Variants in ABCA2 observed in about 807,000 individuals in gnomAD.
The protein encoded by ABCA2 is ATP binding cassette subfamily A member 2.
Under a neutral mutation model 262.8 loss-of-function variants are expected in ABCA2, and 84 were observed. The ratio of observed to expected loss-of-function variants is 0.32; its 90% CI spans 0.27 to 0.38. ABCA2 has a LOEUF of 0.38. Among genes scored for constraint, ABCA2 ranks in the 10% least tolerant of loss-of-function variants. The pLI, the probability that ABCA2 is intolerant of heterozygous loss-of-function variation, is 1.00. For missense variants in ABCA2, 2,662 were observed against 3,405.9 expected (o/e 0.78, Z 5.44); for synonymous variants, 1,696 against 1,502.9 (o/e 1.13, Z -2.97).
At chr9:137,028,728 G>T (rs920059599), upstream of ABCA2, 1 of 1,265,410 alleles carries the variant, frequency 7.9e-7, no homozygotes, top group African/African-American at 1.6e-5. The surrounding 1 kb of genome is among the most constrained non-coding windows in gnomAD (Gnocchi z 6.9). Context: ...TGGAAGGGAG[G>T]CAGGGCGGCC....
chr9:137,015,309 C>T (rs970355351), intron 24 of ABCA2, 105 bp downstream of exon 24: 2 of 1,373,206 alleles, frequency 1.5e-6, no homozygotes, highest in Admixed American at 2.4e-5. Context: ...GCATCCTGGG[C>T]CCAGCGGGTG....
At chr9:137,022,253 C>CGTG in intron 6 of ABCA2, 98 bp downstream of exon 6, 1 of 1,448,038 alleles carries the variant, frequency 6.9e-7, no homozygotes, top group Middle Eastern at 2.5e-4. Context: ...ACGGTCTGGG[C>CGTG]GTGACTCAGG....
Position 137,013,470 on chromosome 9 carries a change from C to G in ABCA2, c.4541G>C (p.Arg1514Pro), listed in dbSNP as rs371050470. The change falls in exon 29 of 49, where the codon CGC becomes CCC. Residue 1514 changes from arginine (R) to proline (P), a missense_variant. Arg to Pro is a moderately radical substitution (Grantham distance 103, BLOSUM62 -2). This residue lies in a region of ABCA2 where 192 missense variants were observed against 207.2 expected (regional missense o/e 0.93). Coordinates refer to ENST00000341511, the MANE Select transcript of ABCA2 (RefSeq NM_001606.5). ...CCGCTGGAGGCCTCACCGGTACTCG[C>G]GGCGCTCCTCGTTGGCGTAGGGGAT... ...NFIPYANEERREYRLRLSPDA... is the reference protein window; with the variant it reads ...NFIPYANEERPEYRLRLSPDA... 9 of 1,605,794 alleles carry G rather than the reference C, an allele frequency of 5.6e-6. No homozygotes were observed. The highest frequency in any genetic ancestry group is 7.6e-6 in the Non-Finnish European group (9 of 1,177,904).
chr9:137,012,661 A>G (rs760844952), intron 31 of ABCA2, 51 bp downstream of exon 31: 3 of 1,610,006 alleles, frequency 1.9e-6, no homozygotes, highest in South Asian at 2.2e-5. Context: ...AGTTGAGACT[A>G]GGTGGCTGGT....
Position 137,018,305 on chromosome 9 carries a change from C to G in ABCA2, c.1866G>C (p.Val622=). The G allele has an allele frequency of 6.2e-7, 1 of 1,606,660 alleles. No homozygotes were observed. The highest frequency in any genetic ancestry group is 2.2e-5 in the East Asian group (1 of 44,676). ...TRKDGSLPPH[V]HYKIRQNSSF... ...TGGAGTTCTGGCGGATCTTGTAGTG[C>G]ACGTGAGGCGGGAGCGAGCCGTCCT... is the stretch of plus-strand genomic sequence containing the variant. The change falls in exon 14 of 49, where the codon GTG becomes GTC. Residue 622 remains valine, a synonymous_variant. Coordinates refer to ENST00000341511, the MANE Select transcript of ABCA2 (RefSeq NM_001606.5).
chr9:137,008,908 A>AC, intron 46 of ABCA2, 40 bp from the exon 47 acceptor site: 1 of 900,960 alleles, frequency 1.1e-6, no homozygotes, highest in Non-Finnish European at 1.5e-6. Context: ...GCGCCCCCCC[A>AC]CCCCGTAGCG....
At chr9:137,027,820 G>C (rs1446971569) in intron 1 of ABCA2, 2 of 152,488 alleles carry the variant, frequency 1.3e-5, no homozygotes, top group Non-Finnish European at 2.9e-5. Flanking sequence ...GGGCGCGGGT[G>C]CCGTGACTCA....
chr9:137,024,006 G>A (rs1315870698), intron 2 of ABCA2, 137 bp downstream of exon 2: 7 of 1,524,438 alleles, frequency 4.6e-6, no homozygotes, highest in African/African-American at 2.8e-5. Context: ...GCACGGCCCA[G>A]GACCACACAG....
At chr9:137,023,794 A>G (rs1480966256) in intron 3 of ABCA2, 44 bp downstream of exon 3, 1 of 743,030 alleles carries the variant, frequency 1.3e-6, no homozygotes, top group Non-Finnish European at 2.5e-6. Flanking sequence ...GGCCCCCCGC[A>G]GCTGCTGCCC....
intron 1 of ABCA2, among the ~76,000 whole-genome samples, chr9:137,026,639 A>T (rs1831662182): frequency 6.6e-6 from 1 of 152,178 alleles, no homozygotes; most frequent in Non-Finnish European, 1.5e-5. Flanking sequence ...TCTTGCGGTC[A>T]GGACAGTGCA....
At chr9:137,028,839 GCCCCTGCTGCACGCGGCTCGTTTTTCTC>G (rs1219748105), upstream of ABCA2, 2 of 1,319,466 alleles carry the variant, frequency 1.5e-6, no homozygotes, top group Non-Finnish European at 2.0e-6. This position sits in a 1 kb window ranked among gnomAD's most constrained non-coding sequence, Gnocchi z 6.9. Flanking sequence ...GACCGAGGCG[GCCCCTGCTGCACGCGGCTCGTTTTTCTC>G]CCCATATTCG....
Position 137,019,702 on chromosome 9 carries a change from G to A in ABCA2, c.1426-396C>T, listed in dbSNP as rs979182799. 7 of 211,544 alleles carry A rather than the reference G, an allele frequency of 3.3e-5. No individual in the cohort carries two copies. Among genetic ancestry groups the A allele is most frequent in the African/African-American group, 7.1e-5 (3 of 42,212 alleles). The allele number at this position is 211,544 out of a possible 1,614,324, so 13.1% of individuals were successfully genotyped here. ...TTCCCAAAGTGCTGGGATTTCAAGC[G>A]TGAGTCCCACGCCCGGGCTCTCCAC... On this transcript the variant is annotated intron_variant, in intron 10 of 48. Coordinates refer to ENST00000341511, the MANE Select transcript of ABCA2 (RefSeq NM_001606.5). The surrounding 1 kb of genome is among the most constrained non-coding windows in gnomAD (Gnocchi z 4.4).
rs771126007 is a variant in ABCA2, at chr9:137,015,814, C to T, written c.3375G>A (p.Ser1125=). ...NKRHSLVQTL[S]GGMKRKLSVA... is the part of the protein sequence containing the mutation. ...CGGACAGCTTGCGCTTCATGCCACC[C>T]GACAATGTCTGCACCAGTGAGTGCC... Residue 1125 remains serine (S), a synonymous_variant, in exon 23 of 49, where the codon TCG becomes TCA. Transcript: ENST00000341511. 15 of 1,612,196 alleles carry T rather than the reference C, an allele frequency of 9.3e-6. No individual in the cohort carries two copies. Among genetic ancestry groups the T allele is most frequent in the Admixed American group, 1.7e-5 (1 of 59,994 alleles).
In ABCA2 at chr9:137,014,375, G is replaced by A; in HGVS notation, c.4033C>T (p.Pro1345Ser). 1 of 1,595,854 alleles carries A rather than the reference G, an allele frequency of 6.3e-7. No homozygotes were observed. The change falls in exon 27 of 49, where the codon CCT becomes TCT. Residue 1345 changes from proline to serine, a missense_variant. Around this residue, in one of 12 missense-constraint regions of ABCA2, gnomAD observed 297 missense variants for 286.5 expected, o/e 1.04. Transcript: ENST00000341511. The stretch of plus-strand genomic sequence containing the variant: ...CCAGACGCCGGGCCCTCCGCCCCAG[G>A]GAGCACATCCTTCCTGGACTCCTTC... ...DVKESRKDVL[P>S]GAEGPASGEG...
In ABCA2 at chr9:137,014,389, C is replaced by T; in HGVS notation, c.4019G>A (p.Arg1340Lys). ...CTCCGCCCCAGGGAGCACATCCTTC[C>T]TGGACTCCTTCACATCTGCCGCAGT... ...ENSEADVKESRKDVLPGAEGP... is the reference protein window; with the variant it reads ...ENSEADVKESKKDVLPGAEGP... The change falls in exon 27 of 49, where the codon AGG becomes AAG. Residue 1340 changes from arginine (R) to lysine (K), a missense_variant. By Grantham distance (26) the Arg-to-Lys change is conservative. Around this residue, in one of 12 missense-constraint regions of ABCA2, gnomAD observed 297 missense variants for 286.5 expected, o/e 1.04. Coordinates refer to ENST00000341511, the MANE Select transcript of ABCA2 (RefSeq NM_001606.5). 1 of 1,592,784 alleles carries T rather than the reference C, an allele frequency of 6.3e-7. No individual in the cohort carries two copies.
Position 137,013,021 on chromosome 9 carries a change from C to T in ABCA2, c.4848G>A (p.Leu1616=). 6.6e-7 allele frequency: 1 copy of T among 1,511,510 alleles called. No homozygotes were observed. Among genetic ancestry groups the T allele is most frequent in the South Asian group, 1.3e-5 (1 of 79,204 alleles). 93.6% of individuals were successfully genotyped at this position (1,511,510 alleles called of 1,614,324 possible). The change falls in exon 30 of 49, where the codon CTG becomes CTA. Residue 1616 remains leucine, a synonymous_variant. Coordinates refer to ENST00000341511, the MANE Select transcript of ABCA2 (RefSeq NM_001606.5). The part of the protein sequence containing the change: ...DEDLQAWNVS[L]PPTAGPEMWT... ...CACTACCTGGCCCAGCGGTGGGCGG[C>T]AGGGAGACGTTCCAGGCCTGCAGGT... is the stretch of plus-strand genomic sequence containing the variant.
At position 137,016,551 on chromosome 9, in the gene ABCA2, C is replaced by T. The variant is rs1831266440; in HGVS notation, c.2923+23G>A. ...CTCTGAACCCAGCGCCCACCCCAGC[C>T]ACCATTCTGATGCCAGCCTCACCAA... On this transcript the variant is annotated intron_variant, in intron 20 of 48. Coordinates refer to ENST00000341511, the MANE Select transcript of ABCA2 (RefSeq NM_001606.5). 4 of 1,612,250 alleles carry T rather than the reference C, an allele frequency of 2.5e-6. No homozygotes were observed. In the South Asian group the frequency reaches 3.3e-5, roughly 13 times the overall value.
In ABCA2 at chr9:137,017,581, C is replaced by T. The variant is rs186256069; in HGVS notation, c.2323G>A (p.Gly775Ser). Reference protein sequence around the residue: ...VTALTAILKYGQVLMHSHVVI... With the variant: ...VTALTAILKYSQVLMHSHVVI... ...ACGTGGCTGTGCATAAGCACCTGGC[C>T]GTACTTCAGGATGGCGGTGAGTGCT... Residue 775 changes from glycine (G) to serine (S), a missense_variant, in exon 17 of 49, where the codon GGC (glycine) becomes AGC (serine). By Grantham distance (56) the Gly-to-Ser change is moderately conservative. Coordinates refer to ENST00000341511, the MANE Select transcript of ABCA2 (RefSeq NM_001606.5). 1,125 of 1,612,722 alleles carry T rather than the reference C, an allele frequency of 7.0e-4. No individual in the cohort carries two copies. Among genetic ancestry groups the T allele is most frequent in the Non-Finnish European group, 8.6e-4 (1,018 of 1,179,910 alleles).
In ABCA2 at chr9:137,019,245, A is replaced by T. The variant is rs201219467; in HGVS notation, c.1487T>A (p.Ile496Asn). 1.9e-6 allele frequency: 3 copies of T among 1,612,444 alleles called. No individual in the cohort carries two copies. Among genetic ancestry groups the T allele is most frequent in the Non-Finnish European group, 2.5e-6 (3 of 1,179,866 alleles). The change falls in exon 11 of 49, where the codon ATC (isoleucine) becomes AAC (asparagine). Residue 496 changes from isoleucine (I) to asparagine (N), a missense_variant. By Grantham distance (149) the Ile-to-Asn change is moderately radical. Transcript: ENST00000341511. The surrounding 1 kb of genome is among the most constrained non-coding windows in gnomAD (Gnocchi z 4.4). ...CAGGAAGCTGCGGATCTCCGCCGAG[A>T]TGTTGAGCCAGACCTGGGCATAGTG... ...VTHYAQVWLN[I>N]SAEIRSFLEQ...
Sources: gnomAD v4.1 joint callset for allele counts (sites outside exome capture counted in the v4.1 genomes callset) on GRCh38, gnomAD v4.1.1 for gene constraint, gnomAD v4.1.1 regional missense constraint, Gnocchi (gnomAD v3.1) non-coding constraint, MANE v1.5 for transcripts, NCBI Gene and HGNC (gene_info 2026-07-23, HGNC 2026-07-21) for gene names.